The following KIF13A variants were observed in gnomAD, a reference collection of about 807,000 sequenced individuals.
KIF13A encodes the protein kinesin-like protein KIF13A.
In KIF13A, 79 loss-of-function variants were observed where a neutral mutation model predicts 212.2. The ratio of observed to expected loss-of-function variants is 0.37; its 90% CI spans 0.31 to 0.45. The LOEUF is 0.45. Ranked by LOEUF, KIF13A falls within the 20% of genes least tolerant of loss-of-function variation. The pLI is 1.00. For synonymous variants in KIF13A, 789 were observed against 808.6 expected (o/e 0.98, Z 0.41); for missense variants, 1,901 against 2,209.0 (o/e 0.86, Z 2.79).
chr6:17,779,602 T>C lies in KIF13A; in HGVS notation c.3929A>G (p.Asn1310Ser), dbSNP rs746980328. ...SCGVTYEIVSNIPKATEEIED... is the reference protein window; with the variant it reads ...SCGVTYEIVSSIPKATEEIED... ...TAGCATATATTTTACCTTTGGTATATTGGATACTATTTCATAGGTTACACC... is the reference window on the plus strand; with the variant it reads ...TAGCATATATTTTACCTTTGGTATACTGGATACTATTTCATAGGTTACACC... The change falls in exon 32 of 39, where the codon AAT (asparagine) becomes AGT (serine). Residue 1310 changes from asparagine (N) to serine (S), a missense_variant. Asn to Ser is a conservative substitution (Grantham distance 46). Coordinates refer to ENST00000259711, the MANE Select transcript of KIF13A (RefSeq NM_022113.6). 33 of 1,390,214 alleles carry C rather than the reference T, an allele frequency of 2.4e-5. No individual in the cohort carries two copies. Among genetic ancestry groups the C allele is most frequent in the Non-Finnish European group, 2.8e-5 (28 of 989,184 alleles). 86.1% of individuals were successfully genotyped at this position (1,390,214 alleles called of 1,614,324 possible).
At chr6:17,873,508 A>AT (rs1376771922) in intron 3 of KIF13A, 71 bp from the exon 4 acceptor site, 2 of 1,085,982 alleles carry the variant, frequency 1.8e-6, no homozygotes, top group African/African-American at 3.2e-5. Flanking sequence ...ACTAAAATAA[A>AT]TCACAGGTGA....
At position 17,834,405 on chromosome 6, in the gene KIF13A, C is replaced by T. The variant is rs1234937450; in HGVS notation, c.1156-334G>A. Among the ~76,000 whole-genome samples the T allele has an allele frequency of 6.6e-6, 1 of 152,200 alleles. No homozygotes were observed. Among genetic ancestry groups the T allele is most frequent in the Non-Finnish European group, 1.5e-5 (1 of 68,022 alleles). On this transcript the variant is annotated intron_variant, in intron 11 of 38. Transcript: ENST00000259711. The surrounding 1 kb of genome is among the most constrained non-coding windows in gnomAD (Gnocchi z 4.0). Reference sequence around the variant, plus strand: ...CAGGACAAAAGGTTACTTAAGCAGACTTCTTTTTCAATAAGACGGAGGTTA... The same window carrying T: ...CAGGACAAAAGGTTACTTAAGCAGATTTCTTTTTCAATAAGACGGAGGTTA...
At chr6:17,854,408 A>C (rs1365220656) in intron 6 of KIF13A, among the ~76,000 whole-genome samples, 1 of 151,232 alleles carries the variant, frequency 6.6e-6, no homozygotes, top group African/African-American at 2.4e-5. Context: ...AAAATGTTGG[A>C]ATTACAGGCA....
rs1004241205 is a variant in KIF13A at position 17,918,676 on chromosome 6, C to G, written c.147-20496G>C. On this transcript the variant is annotated intron_variant, in intron 2 of 38. Transcript: ENST00000259711. This position sits in a 1 kb window ranked among gnomAD's most constrained non-coding sequence, Gnocchi z 4.8. ...CTTGGAATTGAAAGCACTCCCATCC[C>G]CAGGCATCTGCACAAGAAGCTCCCT... is the stretch of plus-strand genomic sequence containing the variant. Among the ~76,000 whole-genome samples, 3 of 152,084 alleles carry G rather than the reference C, an allele frequency of 2.0e-5. No homozygotes were observed. The highest frequency in any genetic ancestry group is 4.4e-5 in the Non-Finnish European group (3 of 68,014).
intron 3 of KIF13A, among the ~76,000 whole-genome samples, chr6:17,874,301 G>C (rs1388909445): frequency 6.7e-6 from 1 of 149,382 alleles, no homozygotes; most frequent in Non-Finnish European, 1.5e-5. Flanking sequence ...GTGGTGGTGG[G>C]GGGGGTTCTT....
At chr6:17,942,842 G>C (rs1777066018) in intron 2 of KIF13A, among the ~76,000 whole-genome samples, 1 of 152,110 alleles carries the variant, frequency 6.6e-6, no homozygotes, top group Non-Finnish European at 1.5e-5. Flanking sequence ...GCTGGGCGTG[G>C]TGTCAACACG....
At chr6:17,841,095 TCC>T (rs1766460168) in intron 9 of KIF13A, among the ~76,000 whole-genome samples, 1 of 144,662 alleles carries the variant, frequency 6.9e-6, no homozygotes, top group Non-Finnish European at 1.5e-5. Context: ...TTTTTTTTTT[TCC>T]AAAGACAGGG....
chr6:17,962,371 A>G (rs57814128), intron 2 of KIF13A, among the ~76,000 whole-genome samples: 1,742 of 152,252 alleles, frequency 0.011, 26 homozygotes, highest in African/African-American at 0.04. Context: ...AATGTCCATA[A>G]AAGGTCAAGC....
At position 17,787,729 on chromosome 6, in the gene KIF13A, T is replaced by C. The variant is rs1300430615; in HGVS notation, c.3361+47A>G. 4 of 1,101,390 alleles carry C rather than the reference T, an allele frequency of 3.6e-6. No homozygotes were observed. The highest frequency in any genetic ancestry group is 5.6e-6 in the Non-Finnish European group (4 of 713,538). The allele number at this position is 1,101,390 out of a possible 1,614,324, so 68.2% of individuals were successfully genotyped here. A position where few individuals can be genotyped will look rare whatever the true frequency, so the allele number is the denominator to read the frequency against. The stretch of plus-strand genomic sequence containing the variant: ...AAGAAAACGACCTACTGCCATTGTG[T>C]AAAAGTGAAAAAGCTACTCCCCATA... On this transcript the variant is annotated intron_variant, in intron 27 of 38. Transcript: ENST00000259711. The surrounding 1 kb of genome is among the most constrained non-coding windows in gnomAD (Gnocchi z 4.6).
At chr6:17,767,690 G>A (rs956696944) in intron 38 of KIF13A, among the ~76,000 whole-genome samples, 1 of 152,184 alleles carries the variant, frequency 6.6e-6, no homozygotes, top group Non-Finnish European at 1.5e-5. Context: ...GTACTGAAAA[G>A]TTATTTACTT....
intron 12 of KIF13A, among the ~76,000 whole-genome samples, chr6:17,833,004 ACT>A (rs1329639433): frequency 2.4e-5 from 3 of 125,156 alleles, no homozygotes; most frequent in Admixed American, 1.8e-4. Context: ...ACAGAGAGAG[ACT>A]CTGTCTGCAA....
At position 17,773,751 on chromosome 6, in the gene KIF13A, C is replaced by A. The variant is rs1759696248; in HGVS notation, c.4219-168G>T. ...AAAGGGCTGAATATCGTAAAAAATA[C>A]TGTCATATCCAAGGTATACCCGGAG... On this transcript the variant is annotated intron_variant, in intron 35 of 38. Coordinates refer to ENST00000259711, the MANE Select transcript of KIF13A (RefSeq NM_022113.6). The surrounding 1 kb of genome is among the most constrained non-coding windows in gnomAD (Gnocchi z 4.2). 6.6e-6 allele frequency among the ~76,000 whole-genome samples: 1 copy of A among 151,982 alleles called. No homozygotes were observed. Among genetic ancestry groups the A allele is most frequent in the Admixed American group, 6.6e-5 (1 of 15,230 alleles).
chr6:17,788,293 C>T (rs78136303), intron 26 of KIF13A, among the ~76,000 whole-genome samples: 4,074 of 152,210 alleles, frequency 0.027, 189 homozygotes, highest in African/African-American at 0.093. Flanking sequence ...TTTCATAGCT[C>T]CATAGTTCAG....
intron 20 of KIF13A, among the ~76,000 whole-genome samples, chr6:17,803,795 A>G (rs1019583473): frequency 1.3e-4 from 20 of 152,188 alleles, no homozygotes; most frequent in African/African-American, 4.3e-4. Context: ...AATATTTCCC[A>G]TTTGATTAAA....
chr6:17,896,924 T>G (rs1309977353), intron 3 of KIF13A, among the ~76,000 whole-genome samples: 1 of 152,212 alleles, frequency 6.6e-6, no homozygotes, highest in Admixed American at 6.5e-5. Context: ...AAAAGCTAGA[T>G]AAACGGCACT....
Position 17,984,809 on chromosome 6 carries a change from T to C in KIF13A, c.146+2245A>G, listed in dbSNP as rs1781408032. On this transcript the variant is annotated intron_variant, in intron 2 of 38. Coordinates refer to ENST00000259711, the MANE Select transcript of KIF13A (RefSeq NM_022113.6). The surrounding 1 kb of genome is among the most constrained non-coding windows in gnomAD (Gnocchi z 5.0). ...TTGGACTTGCAGATATGAAAAATAA[T>C]AACATTCTCAGTATTCTACTCTTCA... is the stretch of plus-strand genomic sequence containing the variant. Among the ~76,000 whole-genome samples the C allele has an allele frequency of 1.3e-5, 2 of 152,178 alleles. No homozygotes were observed. Among genetic ancestry groups the C allele is most frequent in the South Asian group, 2.1e-4 (1 of 4,836 alleles).
rs1761046381 is a variant in KIF13A, at chr6:17,786,291, CAAAGACAGGATT to C, written c.3362-662_3362-651del. Among the ~76,000 whole-genome samples, 1 of 152,080 alleles carries C rather than the reference CAAAGACAGGATT, an allele frequency of 6.6e-6. No individual in the cohort carries two copies. Among genetic ancestry groups the C allele is most frequent in the South Asian group, 2.1e-4 (1 of 4,814 alleles). ...CTTTATAGAACTATACATGATGTTA[CAAAGACAGGATT>C]AAAAAACACCATAGGCCGGGCACGG... On this transcript the variant is annotated intron_variant, in intron 27 of 38. Transcript: ENST00000259711. The surrounding 1 kb of genome is among the most constrained non-coding windows in gnomAD (Gnocchi z 5.4).
Position 17,837,566 on chromosome 6 carries a change from C to A in KIF13A, c.848G>T (p.Gly283Val). The change falls in exon 10 of 39, where the codon GGG (glycine) becomes GTG (valine). Residue 283 changes from glycine to valine, a missense_variant. By Grantham distance (109) the Gly-to-Val change is moderately radical (BLOSUM62 -3). Around this residue, in one of 5 missense-constraint regions of KIF13A, gnomAD observed 506 missense variants for 637.4 expected, o/e 0.79. Transcript: ENST00000259711. The surrounding 1 kb of genome is among the most constrained non-coding windows in gnomAD (Gnocchi z 5.4). The part of the protein sequence containing the change: ...SNINKSLTTL[G>V]LVISSLADQA... ...GTCAGCCAGTGATGATATAACCAAC[C>A]CCAAGGTTGTAAGCGATCTGTCAAG... 1.9e-6 allele frequency: 3 copies of A among 1,606,498 alleles called. No homozygotes were observed. Among genetic ancestry groups the A allele is most frequent in the Non-Finnish European group, 1.7e-6 (2 of 1,176,012 alleles).
In KIF13A at chr6:17,773,665, T is replaced by G. The variant is rs973093956; in HGVS notation, c.4219-82A>C. ...AGCCCAGGTTGGAGTTTCTTCTGTTTTTTTTTAATGGCAGCATATGCTCTT... is the reference window on the plus strand; with the variant it reads ...AGCCCAGGTTGGAGTTTCTTCTGTTGTTTTTTAATGGCAGCATATGCTCTT... On this transcript the variant is annotated intron_variant, in intron 35 of 38. Transcript: ENST00000259711. This position sits in a 1 kb window ranked among gnomAD's most constrained non-coding sequence, Gnocchi z 4.2. The G allele has an allele frequency of 1.5e-6, 1 of 683,224 alleles. No individual in the cohort carries two copies. Among genetic ancestry groups the G allele is most frequent in the African/African-American group, 1.8e-5 (1 of 55,622 alleles). The allele number at this position is 683,224 out of a possible 1,614,324, so 42.3% of individuals were successfully genotyped here.
Sources: gnomAD v4.1 joint callset for allele counts (sites outside exome capture counted in the v4.1 genomes callset) on GRCh38, gnomAD v4.1.1 for gene constraint, gnomAD v4.1.1 regional missense constraint, Gnocchi (gnomAD v3.1) non-coding constraint, MANE v1.5 for transcripts, NCBI Gene and HGNC (gene_info 2026-07-23, HGNC 2026-07-21) for gene names.